ZC3H12B: variants seen among roughly 807,000 people sequenced by gnomAD.
The protein encoded by ZC3H12B is zinc finger CCCH-type containing 12B.
A neutral mutation model predicts 43.9 loss-of-function variants in ZC3H12B; 7 were observed. The observed-to-expected ratio is 0.16, with a 90% CI of 0.09 to 0.30. The LOEUF is 0.30. ZC3H12B is among the 10% of genes least tolerant of loss of function. ZC3H12B has a pLI of 1.00. For missense variants in ZC3H12B, 475 were observed against 670.2 expected (o/e 0.71, Z 3.22); for synonymous variants, 222 against 241.7 (o/e 0.92, Z 0.76).
the ZC3H12B span, among the ~76,000 whole-genome samples, chrX:65,289,781 A>G: frequency 3.6e-5 from 4 of 110,569 alleles, no homozygotes; most frequent in African/African-American, 1.3e-4. Flanking sequence ...TTGGACAGTC[A>G]TATGCAAAAG....
chrX:65,498,877 T>C (rs1439714015), intron 2 of ZC3H12B, 122 bp from the exon 8 acceptor site: 3 of 531,400 alleles, frequency 5.6e-6, no homozygotes, highest in Non-Finnish European at 9.3e-6. Flanking sequence ...AGGGCCTACT[T>C]TCCCTCTAAG....
At chrX:65,157,942 G>A in the ZC3H12B span, among the ~76,000 whole-genome samples, 1 of 73,820 alleles carries the variant, frequency 1.4e-5, no homozygotes, top group Non-Finnish European at 2.6e-5. Flanking sequence ...CCCACAACAG[G>A]CCCCAGAGTG....
the ZC3H12B span, among the ~76,000 whole-genome samples, chrX:65,335,745 G>A: frequency 3.6e-4 from 40 of 111,632 alleles, no homozygotes; most frequent in South Asian, 3.8e-4. Context: ...CCTAGAGCAG[G>A]CCAATTTTGA....
chrX:65,262,575 C>T, the ZC3H12B span, among the ~76,000 whole-genome samples: 13 of 110,859 alleles, frequency 1.2e-4, no homozygotes, highest in African/African-American at 4.2e-4. Context: ...AAACAAATTG[C>T]TGTCAATATC....
At chrX:65,270,931 A>T in the ZC3H12B span, 4 of 111,929 alleles carry the variant, frequency 3.6e-5, no homozygotes, top group Non-Finnish European at 7.5e-5. Flanking sequence ...GGCTACAGGA[A>T]ATGTTCCTAT....
At chrX:65,194,276 G>C in the ZC3H12B span, among the ~76,000 whole-genome samples, 1 of 104,496 alleles carries the variant, frequency 9.6e-6, no homozygotes, top group African/African-American at 3.5e-5. Flanking sequence ...GATAGCATTA[G>C]GAGATATACC....
the ZC3H12B span, among the ~76,000 whole-genome samples, chrX:65,225,907 A>G: frequency 8.9e-6 from 1 of 112,109 alleles, no homozygotes; most frequent in Admixed American, 9.4e-5. Flanking sequence ...GATTGGTGTA[A>G]CTGAAAGTGA....
the ZC3H12B span, among the ~76,000 whole-genome samples, chrX:65,240,559 C>G: frequency 2.8e-4 from 31 of 111,794 alleles, no homozygotes; most frequent in Non-Finnish European, 3.6e-4. Flanking sequence ...CTGAATCCTA[C>G]TTCTGTTAAT....
At chrX:65,405,456 C>A (rs915626564) in intron 3 of ZC3H12B, among the ~76,000 whole-genome samples, 2 of 110,983 alleles carry the variant, frequency 1.8e-5, no homozygotes, top group Non-Finnish European at 3.8e-5. Flanking sequence ...CCTGTCTCTA[C>A]TAAAAATACA....
At chrX:65,329,119 G>A in the ZC3H12B span, among the ~76,000 whole-genome samples, 1 of 111,194 alleles carries the variant, frequency 9.0e-6, no homozygotes, top group Non-Finnish European at 1.9e-5. Context: ...CTGAGGAATC[G>A]CCACACTGTC....
the ZC3H12B span, among the ~76,000 whole-genome samples, chrX:65,066,172 T>G: frequency 3.6e-5 from 4 of 110,508 alleles, no homozygotes; most frequent in Non-Finnish European, 7.6e-5. Flanking sequence ...TCCATCCAGT[T>G]TTGTTCTCTT....
upstream of ZC3H12B, among the ~76,000 whole-genome samples, chrX:65,365,451 C>T (rs939828753): frequency 2.7e-5 from 3 of 111,034 alleles, no homozygotes; most frequent in Non-Finnish European, 3.8e-5. Context: ...AATGCTACTT[C>T]TAACAACCCC....
At chrX:65,239,085 G>A in the ZC3H12B span, among the ~76,000 whole-genome samples, 1 of 111,531 alleles carries the variant, frequency 9.0e-6, no homozygotes, top group Admixed American at 9.5e-5. Flanking sequence ...GAGTTCTGTA[G>A]ATGGTTCTGC....
intron 3 of ZC3H12B, among the ~76,000 whole-genome samples, chrX:65,458,084 T>TAAAAAAAA (rs2067659998): frequency 2.0e-5 from 1 of 48,986 alleles, no homozygotes; most frequent in Non-Finnish European, 3.6e-5. Context: ...AAAAAAAAAA[T>TAAAAAAAA]TAAAAAAAAA....
chrX:65,457,494 G>C (rs1279020430), intron 3 of ZC3H12B, among the ~76,000 whole-genome samples: 1 of 88,491 alleles, frequency 1.1e-5, no homozygotes, highest in African/African-American at 5.9e-5. Context: ...GGTGAGGGGC[G>C]CTTCTTCCCG....
At chrX:65,053,862 TG>T in the ZC3H12B span, among the ~76,000 whole-genome samples, 1 of 112,211 alleles carries the variant, frequency 8.9e-6, no homozygotes, top group African/African-American at 3.2e-5. Context: ...TGGCCAGTGA[TG>T]ATGAGCATTT....
the ZC3H12B span, among the ~76,000 whole-genome samples, chrX:65,119,611 A>G: frequency 8.9e-6 from 1 of 111,748 alleles, no homozygotes; most frequent in South Asian, 3.7e-4. Flanking sequence ...GCTCACCCTG[A>G]TGATAGTTTC....
At chrX:65,036,392 A>G in the ZC3H12B span, among the ~76,000 whole-genome samples, 2 of 111,671 alleles carry the variant, frequency 1.8e-5, no homozygotes, top group Non-Finnish European at 3.8e-5. Flanking sequence ...GTGGCGAGAG[A>G]GAAGCGTAAT....
At chrX:65,417,732 T>G (rs16989629) in intron 3 of ZC3H12B, among the ~76,000 whole-genome samples, 1 of 113,019 alleles carries the variant, frequency 8.8e-6, no homozygotes, top group South Asian at 3.5e-4. Flanking sequence ...CCAGCCTTTT[T>G]GCGTGGGCAA....
Sources: allele counts gnomAD v4.1 joint callset (sites outside exome capture counted in the v4.1 genomes callset), GRCh38; gene constraint gnomAD v4.1.1; transcripts MANE v1.5; gene names NCBI Gene and HGNC (gene_info 2026-07-23, HGNC 2026-07-21).